Variants in TET3 observed in about 807,000 individuals in gnomAD.
The protein encoded by TET3 is tet methylcytosine dioxygenase 3.
A neutral mutation model predicts 141.4 loss-of-function variants in TET3; 19 were observed. The ratio of observed to expected loss-of-function variants is 0.13; its 90% CI spans 0.09 to 0.20. The LOEUF is 0.20. Ranked by LOEUF, TET3 falls within the 10% of genes least tolerant of loss-of-function variation. The probability of loss-of-function intolerance (pLI) is 1.00; values close to 1 mark genes in which losing one functional copy is unlikely to be tolerated. For missense variants in TET3, 1,874 were observed against 2,356.9 expected (o/e 0.80, Z 4.24); for synonymous variants, 1,043 against 980.9 (o/e 1.06, Z -1.18).
chr2:74,065,698 T>C (rs922559881), intron 4 of TET3, among the ~76,000 whole-genome samples: 6 of 151,508 alleles, frequency 4.0e-5, no homozygotes, highest in Non-Finnish European at 5.9e-5. Flanking sequence ...CTTCTTTCTT[T>C]TTCTTTCTTT....
In TET3 at chr2:74,107,120, A is replaced by AC. The variant is rs1691539537; in HGVS notation, c.*4949dup. 1 of 152,194 alleles carries AC rather than the reference A, an allele frequency of 6.6e-6. No homozygotes were observed. Among genetic ancestry groups the AC allele is most frequent in the African/African-American group, 2.4e-5 (1 of 41,412 alleles). The allele number at this position is 152,194 out of a possible 1,614,324, so 9.4% of individuals were successfully genotyped here. On this transcript the variant is annotated 3_prime_UTR_variant, in exon 12 of 12. Transcript: ENST00000409262. ...GGACCAAAACATTTTTGAGGTGCATACCCCCAACATAAGTTACACAGTCCC... is the reference window on the plus strand; with the variant it reads ...GGACCAAAACATTTTTGAGGTGCATACCCCCCAACATAAGTTACACAGTCCC...
the TET3 span, among the ~76,000 whole-genome samples, chr2:74,116,847 G>A: frequency 6.6e-6 from 1 of 152,142 alleles, no homozygotes; most frequent in African/African-American, 2.4e-5. Context: ...GTGCGGCTAG[G>A]GGAGCTGTCA....
At position 74,061,093 on chromosome 2, in the gene TET3, G is replaced by A. The variant is rs1389041480; in HGVS notation, c.2495-12456G>A. On this transcript the variant is annotated intron_variant, in intron 4 of 11. Transcript: ENST00000409262. ...TCCTCACTTCCCAGTAGGGGCGGCCGGGCAGAGGCGCCCCTCACCTACCGG... is the reference window on the plus strand; with the variant it reads ...TCCTCACTTCCCAGTAGGGGCGGCCAGGCAGAGGCGCCCCTCACCTACCGG... 9.7e-4 allele frequency among the ~76,000 whole-genome samples: 147 copies of A among 151,670 alleles called. 2 individuals are homozygous for A. The East Asian group carries it at 0.026, about 27-fold the overall frequency.
At chr2:73,987,948 G>C (rs1436981659) in intron 2 of TET3, among the ~76,000 whole-genome samples, 3 of 152,204 alleles carry the variant, frequency 2.0e-5, no homozygotes, top group Non-Finnish European at 2.9e-5. Context: ...TTCAAGTGTT[G>C]AGGACAGGGA....
intron 2 of TET3, among the ~76,000 whole-genome samples, chr2:74,001,455 C>A (rs534329128): frequency 9.2e-5 from 14 of 152,310 alleles, no homozygotes; most frequent in African/African-American, 3.4e-4. Context: ...ATCCTCACAA[C>A]TGGATGAGGT....
downstream of TET3, among the ~76,000 whole-genome samples, chr2:74,112,184 C>T (rs1026317491): frequency 1.4e-4 from 22 of 152,062 alleles, no homozygotes; most frequent in African/African-American, 3.9e-4. Context: ...TTAACTTTGC[C>T]GCAGGGCCCC....
In TET3 at chr2:73,999,868, C is replaced by T. The variant is rs541248863; in HGVS notation, c.304-3242C>T. 5.9e-5 allele frequency among the ~76,000 whole-genome samples: 9 copies of T among 152,224 alleles called. No individual in the cohort carries two copies. In the East Asian group the frequency reaches 1.4e-3, roughly 23 times the overall value. The stretch of plus-strand genomic sequence containing the variant: ...GACTCCCTTGAGCCCCGGCATTCCA[C>T]GAGTCTCAGAAGAGGGAATGAGGCC... On this transcript the variant is annotated intron_variant, in intron 2 of 11. Coordinates refer to ENST00000409262, the MANE Select transcript of TET3 (RefSeq NM_001287491.2).
chr2:74,070,217 A>G (rs553069856), intron 4 of TET3, among the ~76,000 whole-genome samples: 1 of 152,286 alleles, frequency 6.6e-6, no homozygotes, highest in African/African-American at 2.4e-5. Context: ...TGGGTAATTT[A>G]TAAAGAAAAA....
the TET3 span, among the ~76,000 whole-genome samples, chr2:74,132,958 C>A: frequency 1.3e-5 from 2 of 151,882 alleles, no homozygotes; most frequent in African/African-American, 4.8e-5. Context: ...AGTGCAGTAG[C>A]GTGATCTTGG....
intron 3 of TET3, among the ~76,000 whole-genome samples, chr2:74,032,697 G>T (rs1573742069): frequency 1.3e-5 from 2 of 152,276 alleles, no homozygotes; most frequent in East Asian, 3.9e-4. Flanking sequence ...TCCGTCAGGA[G>T]AGCTGGATCC....
At chr2:74,019,451 A>G (rs368233987) in intron 3 of TET3, among the ~76,000 whole-genome samples, 1 of 152,104 alleles carries the variant, frequency 6.6e-6, no homozygotes, top group Non-Finnish European at 1.5e-5. Context: ...CTCTTCTGAC[A>G]CTTCTGTCCC....
the TET3 span, among the ~76,000 whole-genome samples, chr2:74,117,359 G>A: frequency 4.1e-4 from 62 of 152,016 alleles, 1 homozygote; most frequent in Non-Finnish European, 1.5e-4. Context: ...TTACAGGCAT[G>A]AGCCACCATG....
In TET3 at chr2:74,105,081, C is replaced by T. The variant is rs897832587; in HGVS notation, c.*2905C>T. The T allele has an allele frequency of 1.3e-5, 5 of 398,010 alleles. No homozygotes were observed. The highest frequency in any genetic ancestry group is 4.1e-5 in the African/African-American group (2 of 48,612). The allele number at this position is 398,010 out of a possible 1,614,324, so 24.7% of individuals were successfully genotyped here. On this transcript the variant is annotated 3_prime_UTR_variant, in exon 12 of 12. Transcript: ENST00000409262. ...CTGAAGCTTTCTTAAAGAGAAAAAT[C>T]AAATTTTTATTTTTTACTGGCACTA... is the stretch of plus-strand genomic sequence containing the variant.
Position 74,101,049 on chromosome 2 carries a change from C to T in TET3, c.4261C>T (p.Pro1421Ser), listed in dbSNP as rs1268592657. ...PRDAGKMGKTPLSEVSQNGGP... is the reference protein window; with the variant it reads ...PRDAGKMGKTSLSEVSQNGGP... ...AGACGCTGGCAAGATGGGCAAGACACCTCTGTCCGAGGTGTCTCAGAATGG... is the reference window on the plus strand; with the variant it reads ...AGACGCTGGCAAGATGGGCAAGACATCTCTGTCCGAGGTGTCTCAGAATGG... The change falls in exon 12 of 12, where the codon CCT becomes TCT. Residue 1421 changes from proline (P) to serine (S), a missense_variant. Around this residue, in one of 10 missense-constraint regions of TET3, gnomAD observed 602 missense variants for 590.2 expected, o/e 1.02. Coordinates refer to ENST00000409262, the MANE Select transcript of TET3 (RefSeq NM_001287491.2). This position sits in a 1 kb window ranked among gnomAD's most constrained non-coding sequence, Gnocchi z 8.5. The T allele has an allele frequency of 5.0e-6, 8 of 1,613,146 alleles. No individual in the cohort carries two copies. The highest frequency in any genetic ancestry group is 1.7e-5 in the Admixed American group (1 of 59,896).
At chr2:74,071,576 G>C (rs1689205510) in intron 4 of TET3, among the ~76,000 whole-genome samples, 2 of 151,990 alleles carry the variant, frequency 1.3e-5, no homozygotes, top group Admixed American at 6.6e-5. Flanking sequence ...ACGTAATTAT[G>C]GTATATTTAA....
intron 4 of TET3, among the ~76,000 whole-genome samples, chr2:74,071,678 G>A (rs544999160): frequency 6.6e-6 from 1 of 152,100 alleles, no homozygotes; most frequent in Non-Finnish European, 1.5e-5. Flanking sequence ...TCAGTCATAG[G>A]ACCCAATGTA....
chr2:74,052,244 T>C (rs1171909212), intron 4 of TET3, among the ~76,000 whole-genome samples: 1 of 152,126 alleles, frequency 6.6e-6, no homozygotes, highest in Non-Finnish European at 1.5e-5. Flanking sequence ...CCTCCCAAAG[T>C]GCTAGGATTA....
At chr2:74,111,896 T>C (rs951863782), downstream of TET3, among the ~76,000 whole-genome samples, 9 of 152,144 alleles carry the variant, frequency 5.9e-5, no homozygotes, top group African/African-American at 1.9e-4. Flanking sequence ...TACCTAAAGC[T>C]TAGGGCATGA....
chr2:74,021,320 C>T (rs1686031055), intron 3 of TET3, among the ~76,000 whole-genome samples: 1 of 152,248 alleles, frequency 6.6e-6, no homozygotes, highest in South Asian at 2.1e-4. Flanking sequence ...CCAGATGCCT[C>T]CTTACAGAGC....
Sources: gnomAD v4.1 joint callset for allele counts (sites outside exome capture counted in the v4.1 genomes callset) on GRCh38, gnomAD v4.1.1 for gene constraint, gnomAD v4.1.1 regional missense constraint, Gnocchi (gnomAD v3.1) non-coding constraint, MANE v1.5 for transcripts, NCBI Gene and HGNC (gene_info 2026-07-23, HGNC 2026-07-21) for gene names.